PDE1A: variants seen among roughly 807,000 people sequenced by gnomAD.
The protein encoded by PDE1A is dual specificity calcium/calmodulin-dependent 3',5'-cyclic nucleotide phosphodiesterase 1A.
PDE1A carries 35 observed loss-of-function variants against 61.7 expected under a neutral mutation model. The ratio of observed to expected loss-of-function variants is 0.57; its 90% confidence interval spans 0.43 to 0.75. The LOEUF is 0.75. Among genes scored for constraint, PDE1A ranks in the 30% least tolerant of loss-of-function variants. The pLI is 0.00. For synonymous variants in PDE1A, 232 were observed against 213.2 expected (o/e 1.09, Z -0.77); for missense variants, 597 against 630.6 (o/e 0.95, Z 0.57).
At chr2:182,312,837 A>T (rs1696078549) in intron 1 of PDE1A, among the ~76,000 whole-genome samples, 1 of 151,980 alleles carries the variant, frequency 6.6e-6, no homozygotes, top group African/African-American at 2.4e-5. Context: ...TTACCAAAAA[A>T]AAAAACCTGC....
At chr2:182,341,987 T>G (rs1474053766) in intron 1 of PDE1A, among the ~76,000 whole-genome samples, 1 of 152,158 alleles carries the variant, frequency 6.6e-6, no homozygotes, top group Admixed American at 6.5e-5. Context: ...CAGGCTGATC[T>G]GGAACTCCTA....
chr2:182,406,806 G>T (rs549734008), intron 1 of PDE1A, among the ~76,000 whole-genome samples: 2 of 151,688 alleles, frequency 1.3e-5, no homozygotes, highest in South Asian at 4.2e-4. Context: ...TACAAGAAAT[G>T]AAAAAAATGC....
chr2:182,522,447 CA>C (rs1447695335), intron 1 of PDE1A: 3 of 1,605,480 alleles, frequency 1.9e-6, no homozygotes, highest in Non-Finnish European at 2.5e-6. Context: ...CAGTCCATTA[CA>C]AATCTTACAC....
rs549068268 is a variant in PDE1A, at chr2:182,191,351, A to G, written c.1126-2291T>C. ...TGATTTGGTTTCTAACATGTTGAGGATAAGGTGCAAGAATAATGTCATCAA... is the reference window on the plus strand; with the variant it reads ...TGATTTGGTTTCTAACATGTTGAGGGTAAGGTGCAAGAATAATGTCATCAA... On this transcript the variant is annotated intron_variant, in intron 10 of 13. Transcript: ENST00000351439. Among the ~76,000 whole-genome samples the G allele has an allele frequency of 7.8e-4, 118 of 152,244 alleles. 1 individual carries two copies. The highest frequency in any genetic ancestry group is 1.5e-3 in the Non-Finnish European group (99 of 67,982).
the PDE1A span, among the ~76,000 whole-genome samples, chr2:182,560,154 C>G: frequency 6.6e-6 from 1 of 151,084 alleles, no homozygotes; most frequent in Non-Finnish European, 1.5e-5. Flanking sequence ...TGCTGGTGTA[C>G]TGCACCCATT....
chr2:182,410,771 G>A (rs1480059631), intron 1 of PDE1A, among the ~76,000 whole-genome samples: 2 of 152,154 alleles, frequency 1.3e-5, no homozygotes, highest in African/African-American at 4.8e-5. Context: ...GTTCTTCACA[G>A]TTGTTATTTT....
At chr2:182,242,467 A>C (rs2125696896) in intron 2 of PDE1A, among the ~76,000 whole-genome samples, 1 of 152,324 alleles carries the variant, frequency 6.6e-6, no homozygotes, top group East Asian at 1.9e-4. Flanking sequence ...TTGAAAAGGG[A>C]ATCTTGAAAA....
intron 1 of PDE1A, among the ~76,000 whole-genome samples, chr2:182,270,152 G>A (rs894116904): frequency 3.3e-5 from 5 of 152,020 alleles, no homozygotes; most frequent in African/African-American, 1.2e-4. Flanking sequence ...ACCTTCTAAC[G>A]ATCAGGACAC....
At position 182,233,148 on chromosome 2, in the gene PDE1A, G is replaced by C. The variant is rs140353329; in HGVS notation, c.417+1284C>G. 3.3e-3 allele frequency among the ~76,000 whole-genome samples: 502 copies of C among 152,214 alleles called. 2 individuals are homozygous for C. The highest frequency in any genetic ancestry group is 0.012 in the African/African-American group (486 of 41,538). ...CTTAAAATAAATAAAATAAAAATGA[G>C]TAATTTTCTTGCTCATTGTTAAGGA... is the stretch of plus-strand genomic sequence containing the variant. On this transcript the variant is annotated intron_variant, in intron 4 of 13. Coordinates refer to ENST00000351439, the Ensembl canonical transcript of PDE1A.
intron 2 of PDE1A, among the ~76,000 whole-genome samples, chr2:182,508,135 T>G (rs1689531804): frequency 6.6e-6 from 1 of 151,950 alleles, no homozygotes; most frequent in Non-Finnish European, 1.5e-5. Context: ...GGATAAAAAT[T>G]TTATGATTAT....
At chr2:182,681,799 C>T in the PDE1A span, among the ~76,000 whole-genome samples, 4 of 152,120 alleles carry the variant, frequency 2.6e-5, no homozygotes, top group Non-Finnish European at 4.4e-5. Context: ...GCGCCCGCCA[C>T]CTCGCCCAGC....
chr2:182,248,987 A>G (rs957528761), intron 2 of PDE1A, among the ~76,000 whole-genome samples: 4 of 152,206 alleles, frequency 2.6e-5, no homozygotes, highest in Non-Finnish European at 5.9e-5. Flanking sequence ...TCAGGTGACT[A>G]AACTGCTATA....
At chr2:182,711,158 T>C in the PDE1A span, among the ~76,000 whole-genome samples, 1 of 152,132 alleles carries the variant, frequency 6.6e-6, no homozygotes, top group African/African-American at 2.4e-5. Context: ...TGTGTGTCCC[T>C]GCCAGAGAAC....
rs761118177 is a variant in PDE1A, at chr2:182,246,401, C to CTTTTTTTTTTTT, written c.168-6110_168-6109insAAAAAAAAAAAA. On this transcript the variant is annotated intron_variant, in intron 2 of 13. Transcript: ENST00000351439. ...TCTACTATAGTCTTTTTTCTTTTTT[C>CTTTTTTTTTTTT]TTTCTTTTTTTTTTTTTTTTTTGAC... 3.1e-4 allele frequency among the ~76,000 whole-genome samples: 19 copies of CTTTTTTTTTTTT among 61,508 alleles called. 4 individuals carry two copies. Among genetic ancestry groups the CTTTTTTTTTTTT allele is most frequent in the South Asian group, 5.2e-4 (1 of 1,914 alleles). The allele number at this position is 61,508 out of a possible 152,430, so 40.4% of individuals were successfully genotyped here.
chr2:182,669,389 A>G, the PDE1A span, among the ~76,000 whole-genome samples: 1 of 152,248 alleles, frequency 6.6e-6, no homozygotes. Context: ...GTGGGTTTTT[A>G]ACCCATCTTT....
chr2:182,551,350 T>G, the PDE1A span, among the ~76,000 whole-genome samples: 2 of 151,980 alleles, frequency 1.3e-5, no homozygotes, highest in Non-Finnish European at 2.9e-5. Flanking sequence ...TTGGAGAGAG[T>G]GATGGTGATC....
chr2:182,493,246 T>TC (rs1688503235), intron 2 of PDE1A, among the ~76,000 whole-genome samples: 1 of 151,568 alleles, frequency 6.6e-6, no homozygotes. Flanking sequence ...TTTTTTTTTT[T>TC]GGAGAGACAG....
the PDE1A span, among the ~76,000 whole-genome samples, chr2:182,590,598 TA>T: frequency 7.2e-5 from 11 of 152,238 alleles, no homozygotes; most frequent in Non-Finnish European, 1.3e-4. Flanking sequence ...ATCAGTTCTA[TA>T]ATTTAAATAA....
intron 2 of PDE1A, among the ~76,000 whole-genome samples, chr2:182,245,337 T>G (rs1445665394): frequency 6.6e-6 from 1 of 152,224 alleles, no homozygotes; most frequent in African/African-American, 2.4e-5. Flanking sequence ...TGAGCCAATG[T>G]TAATACATAA....
Sources: allele counts gnomAD v4.1 joint callset (sites outside exome capture counted in the v4.1 genomes callset), GRCh38; gene constraint gnomAD v4.1.1; transcripts MANE v1.5; gene names NCBI Gene and HGNC (gene_info 2026-07-23, HGNC 2026-07-21).